Variants in AKAP10 observed in about 807,000 individuals in gnomAD.
AKAP10 encodes the protein A-kinase anchoring protein 10, also known as A-kinase anchor protein 10, mitochondrial.
A neutral mutation model predicts 80.8 loss-of-function variants in AKAP10; 24 were observed. The observed-to-expected ratio is 0.30, with a 90% CI of 0.22 to 0.42. AKAP10 has a LOEUF of 0.42. AKAP10 is among the 10% of genes least tolerant of loss of function. The pLI, the probability that AKAP10 is intolerant of heterozygous loss-of-function variation, is 1.00. For synonymous variants in AKAP10, 291 were observed against 277.7 expected (o/e 1.05, Z -0.48); for missense variants, 661 against 794.9 (o/e 0.83, Z 2.03).
At chr17:19,912,230 C>T (rs1487154257) in intron 12 of AKAP10, among the ~76,000 whole-genome samples, 9 of 152,184 alleles carry the variant, frequency 5.9e-5, no homozygotes, top group African/African-American at 2.2e-4. Context: ...GTCTAACCAA[C>T]ATGGTGAAAC....
intron 11 of AKAP10, among the ~76,000 whole-genome samples, 176 bp from the exon 12 acceptor site, chr17:19,920,294 A>G (rs970389538): frequency 3.3e-5 from 5 of 152,250 alleles, no homozygotes; most frequent in African/African-American, 9.6e-5. Context: ...CACAGAAAGC[A>G]AGATAATCTT....
At chr17:19,961,330 C>A (rs2043347534) in intron 3 of AKAP10, among the ~76,000 whole-genome samples, 1 of 151,352 alleles carries the variant, frequency 6.6e-6, no homozygotes, top group Non-Finnish European at 1.5e-5. Flanking sequence ...CCAGCCTGCG[C>A]AACAGAGTGA....
chr17:19,916,864 C>T (rs1040371854), intron 12 of AKAP10, among the ~76,000 whole-genome samples: 1 of 150,804 alleles, frequency 6.6e-6, no homozygotes, highest in Non-Finnish European at 1.5e-5. Context: ...TTGAACCTGG[C>T]AGGCAGAGCT....
At chr17:19,944,323 T>C (rs1485629811) in intron 5 of AKAP10, among the ~76,000 whole-genome samples, 1 of 152,150 alleles carries the variant, frequency 6.6e-6, no homozygotes, top group Non-Finnish European at 1.5e-5. Context: ...CTATCAGCTG[T>C]GTGGACTGCA....
intron 10 of AKAP10, among the ~76,000 whole-genome samples, chr17:19,930,857 T>C (rs1472052971): frequency 6.6e-6 from 1 of 152,014 alleles, no homozygotes; most frequent in Non-Finnish European, 1.5e-5. Context: ...ATTACAGGCA[T>C]GAGCCACCAT....
rs1567765055 is a variant in AKAP10, at chr17:19,946,193, AATACATATATTT to A, written c.976+1202_976+1213del. On this transcript the variant is annotated intron_variant, in intron 5 of 14. Coordinates refer to ENST00000225737, the MANE Select transcript of AKAP10 (RefSeq NM_007202.4). ...TATATACTATATATGCATATATACTAATACATATATTTTATATATATATATATTTTATATATA... is the reference window on the plus strand; with the variant it reads ...TATATACTATATATGCATATATACTATATATATATATATATTTTATATATA... Among the ~76,000 whole-genome samples, 25 of 85,532 alleles carry A rather than the reference AATACATATATTT, an allele frequency of 2.9e-4. 3 individuals carry two copies. Among genetic ancestry groups the A allele is most frequent in the African/African-American group, 1.1e-3 (21 of 18,460 alleles). The allele number at this position is 85,532 out of a possible 152,430, so 56.1% of individuals were successfully genotyped here. A position where few individuals can be genotyped will look rare whatever the true frequency, so the allele number is the denominator to read the frequency against.
chr17:19,967,265 C>G (rs1434039769), intron 2 of AKAP10, among the ~76,000 whole-genome samples: 1 of 152,108 alleles, frequency 6.6e-6, no homozygotes, highest in East Asian at 1.9e-4. Context: ...AAAGCATGCT[C>G]TAATCTATAA....
intron 9 of AKAP10, among the ~76,000 whole-genome samples, chr17:19,934,068 T>C (rs1430761287): frequency 6.6e-6 from 1 of 151,988 alleles, no homozygotes; most frequent in African/African-American, 2.4e-5. Flanking sequence ...ATTACAGGCA[T>C]GCACCACCAC....
intron 4 of AKAP10, among the ~76,000 whole-genome samples, chr17:19,950,721 C>T (rs1004085748): frequency 5.9e-5 from 9 of 152,206 alleles, no homozygotes; most frequent in East Asian, 1.9e-4. Flanking sequence ...AGCCTCTGCC[C>T]GGCCGCCACC....
Position 19,958,188 on chromosome 17 carries a change from G to T in AKAP10, c.703C>A (p.His235Asn). 6.2e-7 allele frequency: 1 copy of T among 1,614,214 alleles called. No homozygotes were observed. The highest frequency in any genetic ancestry group is 8.5e-7 in the Non-Finnish European group (1 of 1,180,042). The change falls in exon 4 of 15, where the codon CAC becomes AAC. Residue 235 changes from histidine to asparagine, a missense_variant. Coordinates refer to ENST00000225737, the MANE Select transcript of AKAP10 (RefSeq NM_007202.4). ...LNNRTNSTQN[H>N]LLLSQECDSA... ...TCACATTCCTGGGAAAGCAGCAAGT[G>T]ATTCTGAGTGCTGTTAGTTCTATTA...
intron 9 of AKAP10, among the ~76,000 whole-genome samples, chr17:19,932,406 T>A (rs972230228): frequency 3.3e-4 from 49 of 148,552 alleles, no homozygotes; most frequent in African/African-American, 1.1e-3. Context: ...TGAGCCGAGA[T>A]TGCACCACTG....
chr17:19,913,315 G>A (rs2042711459), intron 12 of AKAP10, among the ~76,000 whole-genome samples: 1 of 152,082 alleles, frequency 6.6e-6, no homozygotes, highest in South Asian at 2.1e-4. Flanking sequence ...ACCATGCCTG[G>A]CTAATTTTTT....
At chr17:19,965,241 C>G (rs1482408837) in intron 2 of AKAP10, among the ~76,000 whole-genome samples, 1 of 152,222 alleles carries the variant, frequency 6.6e-6, no homozygotes, top group Non-Finnish European at 1.5e-5. Flanking sequence ...TTCTTTTTCA[C>G]TGTTATCTGT....
At chr17:19,963,211 C>CTTT (rs35363359) in intron 2 of AKAP10, among the ~76,000 whole-genome samples, 189 bp from the exon 3 acceptor site, 9 of 119,576 alleles carry the variant, frequency 7.5e-5, no homozygotes, top group East Asian at 4.5e-4. Context: ...AGAAAACACT[C>CTTT]TTTTTTTTTT....
At chr17:19,942,090 A>T (rs1289929950) in intron 5 of AKAP10, among the ~76,000 whole-genome samples, 180 bp from the exon 6 acceptor site, 2 of 152,272 alleles carry the variant, frequency 1.3e-5, no homozygotes, top group African/African-American at 2.4e-5. Flanking sequence ...GTACATATGC[A>T]AAAGCAGAAA....
At chr17:19,959,536 T>C (rs1373038439) in intron 3 of AKAP10, among the ~76,000 whole-genome samples, 1 of 152,218 alleles carries the variant, frequency 6.6e-6, no homozygotes, top group African/African-American at 2.4e-5. Context: ...TATTCATTCA[T>C]AGTAGGTTAA....
chr17:19,946,267 A>ATAT (rs2043125523), intron 5 of AKAP10, among the ~76,000 whole-genome samples: 1 of 27,070 alleles, frequency 3.7e-5, no homozygotes, highest in Non-Finnish European at 6.1e-5. Flanking sequence ...ATATATATAT[A>ATAT]TATATATATT....
intron 8 of AKAP10, among the ~76,000 whole-genome samples, chr17:19,938,372 G>A (rs1597504561): frequency 6.6e-6 from 1 of 151,780 alleles, no homozygotes; most frequent in African/African-American, 2.4e-5. Context: ...GAGTAGCTGG[G>A]ATTACAGGTG....
chr17:19,943,398 ACCAATAG>A (rs1419278564), intron 5 of AKAP10, among the ~76,000 whole-genome samples: 1 of 152,194 alleles, frequency 6.6e-6, no homozygotes, highest in African/African-American at 2.4e-5. Context: ...TGAGCTGATC[ACCAATAG>A]CCAATGATCA....
Sources: allele counts gnomAD v4.1 joint callset (sites outside exome capture counted in the v4.1 genomes callset), GRCh38; gene constraint gnomAD v4.1.1; transcripts MANE v1.5; gene names NCBI Gene and HGNC (gene_info 2026-07-23, HGNC 2026-07-21).